Variants in MEI1 observed in about 807,000 individuals in gnomAD.
MEI1 encodes the protein meiotic double-stranded break formation protein 1.
In MEI1, 103 loss-of-function variants were observed where a neutral mutation model predicts 146.2. The ratio of observed to expected loss-of-function variants is 0.70; its 90% CI spans 0.60 to 0.83. The LOEUF is 0.83. MEI1 is among the 40% of genes least tolerant of loss of function. The probability of loss-of-function intolerance (pLI) is 0.00; values close to 1 mark genes in which losing one functional copy is unlikely to be tolerated. For missense variants in MEI1, 1,529 were observed against 1,533.0 expected (o/e 1.00, Z 0.04); for synonymous variants, 652 against 628.2 (o/e 1.04, Z -0.57).
chr22:41,764,886 G>A (rs1188795687), intron 19 of MEI1, among the ~76,000 whole-genome samples: 1 of 152,164 alleles, frequency 6.6e-6, no homozygotes, highest in Non-Finnish European at 1.5e-5. Context: ...GCTGGAGTCC[G>A]ACTCCCGCAT....
intron 11 of MEI1, 27 bp from the exon 12 acceptor site, chr22:41,743,053 A>G: frequency 6.4e-7 from 1 of 1,568,828 alleles, no homozygotes; most frequent in Non-Finnish European, 8.8e-7. Flanking sequence ...CCTTACCGTG[A>G]ACCTGCTTTT....
At chr22:41,753,902 A>G in intron 16 of MEI1, 47 bp from the exon 17 acceptor site, 1 of 1,355,916 alleles carries the variant, frequency 7.4e-7, no homozygotes, top group Non-Finnish European at 1.1e-6. Context: ...TCTCCCAGCC[A>G]AAGTAGCAAT....
chr22:41,708,982 G>C (rs1369233846), intron 3 of MEI1, among the ~76,000 whole-genome samples: 2 of 152,172 alleles, frequency 1.3e-5, no homozygotes, highest in South Asian at 4.1e-4. Context: ...CCCTCCTCCT[G>C]GGAGCCAAGA....
intron 12 of MEI1, among the ~76,000 whole-genome samples, chr22:41,744,362 CG>C (rs1223040925): frequency 1.3e-5 from 2 of 151,764 alleles, no homozygotes; most frequent in African/African-American, 2.4e-5. Context: ...TTAGTAGAGA[CG>C]GGGTTTCACT....
At chr22:41,735,115 C>G (rs996365308) in intron 11 of MEI1, among the ~76,000 whole-genome samples, 1 of 151,788 alleles carries the variant, frequency 6.6e-6, no homozygotes, top group Non-Finnish European at 1.5e-5. Flanking sequence ...GCGCGCGCCA[C>G]CACACCTGGC....
intron 26 of MEI1, 87 bp downstream of exon 26, chr22:41,784,870 A>G (rs1251695547): frequency 2.2e-6 from 2 of 896,914 alleles, no homozygotes; most frequent in Non-Finnish European, 3.0e-6. Flanking sequence ...TACTCCTACC[A>G]GGGCTTGGAG....
At chr22:41,708,168 A>G (rs1205565633) in intron 3 of MEI1, among the ~76,000 whole-genome samples, 1 of 152,232 alleles carries the variant, frequency 6.6e-6, no homozygotes, top group Non-Finnish European at 1.5e-5. Context: ...TTTTAAAGCT[A>G]ACCTCCACCA....
chr22:41,776,185 C>A lies in MEI1; in HGVS notation c.2628C>A (p.Ile876=). ...CCTTCCTGAGGAGGAATGAGGATAT[C>A]CAAGTGGGCGGTCTTATCCGAGGCC... ...LRTFLRRNED[I]QVGGLIRGHF... The change falls in exon 21 of 31, where the codon ATC becomes ATA. Residue 876 remains isoleucine, a synonymous_variant. Transcript: ENST00000401548. 1 of 1,613,974 alleles carries A rather than the reference C, an allele frequency of 6.2e-7. No individual in the cohort carries two copies. Among genetic ancestry groups the A allele is most frequent in the Non-Finnish European group, 8.5e-7 (1 of 1,179,880 alleles).
At position 41,770,765 on chromosome 22, in the gene MEI1, T is replaced by C. The variant is rs750993974; in HGVS notation, c.2348T>C (p.Leu783Pro). ...GTCTATACTCACCATCCGCTCCTGCTCAGGTTCTTTCTGTTGTATCCAGAG... is the reference window on the plus strand; with the variant it reads ...GTCTATACTCACCATCCGCTCCTGCCCAGGTTCTTTCTGTTGTATCCAGAG... ...QLVYTHHPLL[L>P]RFFLLYPELM... Residue 783 changes from leucine to proline, a missense_variant, in exon 20 of 31, where the codon CTC (leucine) becomes CCC (proline). Transcript: ENST00000401548. 1 of 1,613,932 alleles carries C rather than the reference T, an allele frequency of 6.2e-7. No individual in the cohort carries two copies. The highest frequency in any genetic ancestry group is 1.1e-5 in the South Asian group (1 of 91,074).
chr22:41,725,752 C>T (rs895255544), intron 7 of MEI1, among the ~76,000 whole-genome samples: 1 of 152,238 alleles, frequency 6.6e-6, no homozygotes, highest in Non-Finnish European at 1.5e-5. Context: ...GCTCCCCTGT[C>T]ACCCTGGCTC....
At chr22:41,786,171 A>C (rs1015332965) in intron 26 of MEI1, among the ~76,000 whole-genome samples, 4 of 151,710 alleles carry the variant, frequency 2.6e-5, no homozygotes, top group Non-Finnish European at 1.5e-5. Flanking sequence ...CGGCCTCCCA[A>C]AGTGCTGGGA....
rs1298825435 is a variant in MEI1, at chr22:41,740,972, G to A, written c.1332-2108G>A. On this transcript the variant is annotated intron_variant, in intron 11 of 30. Transcript: ENST00000401548. Reference sequence around the variant, plus strand: ...TGTCACCAGGCTGGAGTGCTGTGATGTGATCTTGGCTCGCTGCAACCTCCA... The same window carrying A: ...TGTCACCAGGCTGGAGTGCTGTGATATGATCTTGGCTCGCTGCAACCTCCA... Among the ~76,000 whole-genome samples the A allele has an allele frequency of 9.2e-5, 14 of 152,248 alleles. No homozygotes were observed. In the South Asian group the frequency reaches 2.7e-3, roughly 29 times the overall value.
At chr22:41,783,984 G>C (rs1277550934) in intron 24 of MEI1, among the ~76,000 whole-genome samples, 1 of 152,202 alleles carries the variant, frequency 6.6e-6, no homozygotes, top group African/African-American at 2.4e-5. Context: ...TACCTGACTT[G>C]AGAGCCAGGA....
At position 41,724,009 on chromosome 22, in the gene MEI1, G is replaced by C; in HGVS notation, c.800G>C (p.Gly267Ala). Residue 267 changes from glycine to alanine, a missense_variant, in exon 7 of 31, where the codon GGA (glycine) becomes GCA (alanine). Physicochemically the swap from Gly to Ala is moderately conservative, Grantham distance 60 (BLOSUM62 0). Transcript: ENST00000401548. ...ATGATCATGAACCAGGATGGACTGGGAGAAAGTGCTAAGAATATCGAAGGG... is the reference window on the plus strand; with the variant it reads ...ATGATCATGAACCAGGATGGACTGGCAGAAAGTGCTAAGAATATCGAAGGG... ...VSMIMNQDGLGESAKNIEGSS... is the reference protein window; with the variant it reads ...VSMIMNQDGLAESAKNIEGSS... 5.0e-6 allele frequency: 8 copies of C among 1,613,626 alleles called. No homozygotes were observed. The highest frequency in any genetic ancestry group is 6.8e-6 in the Non-Finnish European group (8 of 1,179,780).
chr22:41,739,398 C>T (rs974141051), intron 11 of MEI1, among the ~76,000 whole-genome samples: 3 of 152,088 alleles, frequency 2.0e-5, no homozygotes, highest in Non-Finnish European at 4.4e-5. Context: ...GTTAGCAGCA[C>T]CCCAACTCTT....
At chr22:41,722,334 A>G (rs764051543) in intron 6 of MEI1, among the ~76,000 whole-genome samples, 6 of 151,794 alleles carry the variant, frequency 4.0e-5, no homozygotes, top group African/African-American at 7.3e-5. Context: ...GACCTGTTCT[A>G]TTGCCCAGGC....
chr22:41,721,342 T>A (rs1229314005), intron 6 of MEI1, among the ~76,000 whole-genome samples: 13 of 148,608 alleles, frequency 8.7e-5, no homozygotes, highest in Non-Finnish European at 1.5e-4. Flanking sequence ...CCTCCCAGGT[T>A]CAAGCAATTC....
At chr22:41,724,146 C>T (rs2071109288) in intron 7 of MEI1, 73 bp downstream of exon 7, 1 of 1,541,038 alleles carries the variant, frequency 6.5e-7, no homozygotes, top group Middle Eastern at 1.7e-4. Context: ...GCCTTGTCTT[C>T]ATCTACCACT....
At chr22:41,712,380 G>A (rs2069662820) in intron 3 of MEI1, among the ~76,000 whole-genome samples, 3 of 150,796 alleles carry the variant, frequency 2.0e-5, no homozygotes, top group Non-Finnish European at 4.4e-5. Context: ...GACTACAGGC[G>A]CCCACCACCA....
Sources: gnomAD v4.1 joint callset for allele counts (sites outside exome capture counted in the v4.1 genomes callset) on GRCh38, gnomAD v4.1.1 for gene constraint, MANE v1.5 for transcripts, NCBI Gene and HGNC (gene_info 2026-07-23, HGNC 2026-07-21) for gene names.